The following DNAJA3 variants were observed in gnomAD, a reference collection of about 807,000 sequenced individuals.
The protein encoded by DNAJA3 is dnaJ homolog subfamily A member 3, mitochondrial.
A neutral mutation model predicts 54.9 loss-of-function variants in DNAJA3; 29 were observed. The ratio of observed to expected loss-of-function variants is 0.53; its 90% CI spans 0.39 to 0.72. The LOEUF is 0.72. DNAJA3 is among the 30% of genes least tolerant of loss of function. DNAJA3 has a pLI of 0.00. For missense variants in DNAJA3, 708 were observed against 639.4 expected (o/e 1.11, Z -1.16); for synonymous variants, 302 against 251.4 (o/e 1.20, Z -1.90).
rs138190498 is a variant in DNAJA3, at chr16:4,428,648, A to T, written c.211+2556A>T. On this transcript the variant is annotated intron_variant, in intron 1 of 11. Coordinates refer to ENST00000262375, the MANE Select transcript of DNAJA3 (RefSeq NM_005147.6). Reference sequence around the variant, plus strand: ...CTGCGGTTAGCTGTCTTGTTCCCCAAGTGAGCTCATAACCTGCCATGGGCA... The same window carrying T: ...CTGCGGTTAGCTGTCTTGTTCCCCATGTGAGCTCATAACCTGCCATGGGCA... Among the ~76,000 whole-genome samples the T allele has an allele frequency of 4.2e-3, 638 of 152,294 alleles. 2 individuals carry two copies. Among genetic ancestry groups the T allele is most frequent in the African/African-American group, 0.014 (599 of 41,558 alleles).
rs1207197608 is a variant in DNAJA3 at position 4,443,210 on chromosome 16, C to T, written c.931+46C>T. 4 of 1,608,208 alleles carry T rather than the reference C, an allele frequency of 2.5e-6. No individual in the cohort carries two copies. In the South Asian group the frequency reaches 3.3e-5, roughly 13 times the overall value. On this transcript the variant is annotated intron_variant, in intron 6 of 11. Coordinates refer to ENST00000262375, the MANE Select transcript of DNAJA3 (RefSeq NM_005147.6). Reference sequence around the variant, plus strand: ...TGTCCAGGAGCTTGGAGAGGGCAGACAGGGTTGAGGCTACCACACCGTGTG... The same window carrying T: ...TGTCCAGGAGCTTGGAGAGGGCAGATAGGGTTGAGGCTACCACACCGTGTG...
intron 6 of DNAJA3, among the ~76,000 whole-genome samples, chr16:4,444,376 G>A (rs906484325): frequency 1.4e-5 from 2 of 141,098 alleles, no homozygotes; most frequent in African/African-American, 2.6e-5. Flanking sequence ...ACGGAGTCTC[G>A]CTCTGTTGCC....
intron 7 of DNAJA3, among the ~76,000 whole-genome samples, chr16:4,445,265 A>G (rs2056889661): frequency 6.6e-6 from 1 of 152,204 alleles, no homozygotes; most frequent in Non-Finnish European, 1.5e-5. Context: ...CGTGGTGGTC[A>G]GAGGCTGCTG....
chr16:4,426,139 A>G (rs2056619503), intron 1 of DNAJA3, 47 bp downstream of exon 1: 6 of 1,489,248 alleles, frequency 4.0e-6, no homozygotes, highest in South Asian at 1.3e-5. Flanking sequence ...GGGCCTAGAA[A>G]AGAGTGAGTC....
At chr16:4,430,650 C>G (rs951436230) in intron 1 of DNAJA3, 1 of 151,568 alleles carries the variant, frequency 6.6e-6, no homozygotes, top group Admixed American at 6.6e-5. Flanking sequence ...CTGGGTTGTT[C>G]TAAAAAGGAC....
chr16:4,444,711 A>G lies in DNAJA3; in HGVS notation c.979A>G (p.Ile327Val). The G allele has an allele frequency of 1.2e-6, 2 of 1,613,908 alleles. No homozygotes were observed. The highest frequency in any genetic ancestry group is 1.7e-6 in the Non-Finnish European group (2 of 1,179,958). The change falls in exon 7 of 12, where the codon ATT becomes GTT. Residue 327 changes from isoleucine to valine, a missense_variant. Transcript: ENST00000262375. Reference protein sequence around the residue: ...TVRMPVGKREIFITFRVQKSP... With the variant: ...TVRMPVGKREVFITFRVQKSP... ...GAGGATGCCTGTGGGAAAAAGGGAA[A>G]TTTTCATTACGTTCAGGGTAGGTGC...
chr16:4,436,178 T>A (rs1320091452), intron 2 of DNAJA3, among the ~76,000 whole-genome samples: 1 of 152,156 alleles, frequency 6.6e-6, no homozygotes, highest in Non-Finnish European at 1.5e-5. Context: ...CTTTTTTTTT[T>A]AATTGGGTTG....
intron 1 of DNAJA3, among the ~76,000 whole-genome samples, chr16:4,428,168 G>C (rs1265715640): frequency 6.6e-6 from 1 of 151,734 alleles, no homozygotes; most frequent in Non-Finnish European, 1.5e-5. Context: ...AGCCAAGATG[G>C]TCTCGATCTC....
At chr16:4,434,847 G>C (rs568076993) in intron 2 of DNAJA3, among the ~76,000 whole-genome samples, 44 of 146,806 alleles carry the variant, frequency 3.0e-4, no homozygotes, top group Non-Finnish European at 6.0e-4. Flanking sequence ...TTTGCATCCA[G>C]ATAAAAGTTT....
Position 4,443,130 on chromosome 16 carries a change from G to T in DNAJA3, c.897G>T (p.Lys299Asn). 1 of 1,614,030 alleles carries T rather than the reference G, an allele frequency of 6.2e-7. No individual in the cohort carries two copies. Among genetic ancestry groups the T allele is most frequent in the Non-Finnish European group, 8.5e-7 (1 of 1,180,006 alleles). Residue 299 changes from lysine to asparagine, a missense_variant, in exon 6 of 12, where the codon AAG becomes AAT. Coordinates refer to ENST00000262375, the MANE Select transcript of DNAJA3 (RefSeq NM_005147.6). ...CVVCRGAGQA[K>N]QKKRVMIPVP... Reference sequence around the variant, plus strand: ...TCTGCAGGGGAGCAGGACAAGCCAAGCAGAAAAAGCGAGTGATGATCCCTG... The same window carrying T: ...TCTGCAGGGGAGCAGGACAAGCCAATCAGAAAAAGCGAGTGATGATCCCTG...
At chr16:4,431,707 A>T (rs551966055) in intron 1 of DNAJA3, 1 of 151,838 alleles carries the variant, frequency 6.6e-6, no homozygotes, top group Non-Finnish European at 1.5e-5. Context: ...CCTCCCAAGT[A>T]GCTGGGATTA....
At chr16:4,444,763 C>T (rs769394877) in intron 7 of DNAJA3, 35 bp downstream of exon 7, 25 of 1,591,450 alleles carry the variant, frequency 1.6e-5, no homozygotes, top group Admixed American at 8.4e-5. Context: ...TCTGTTGGGC[C>T]TTTCCTCTCT....
chr16:4,444,546 G>A (rs2056879183), intron 6 of DNAJA3, 118 bp from the exon 7 acceptor site: 6 of 775,098 alleles, frequency 7.7e-6, no homozygotes, highest in Non-Finnish European at 1.3e-5. Context: ...ATGTTGGCCA[G>A]GATGGTCTCG....
chr16:4,430,260 C>T (rs2056680196), intron 1 of DNAJA3, among the ~76,000 whole-genome samples: 1 of 151,630 alleles, frequency 6.6e-6, no homozygotes, highest in Admixed American at 6.6e-5. Flanking sequence ...ACTTTTCTTC[C>T]AAGCAGAAAG....
At chr16:4,444,264 G>C (rs1279761271) in intron 6 of DNAJA3, among the ~76,000 whole-genome samples, 2 of 152,088 alleles carry the variant, frequency 1.3e-5, no homozygotes, top group African/African-American at 4.8e-5. Flanking sequence ...AGAAGCTGTG[G>C]GTTACAAGTG....
chr16:4,434,497 A>T lies in DNAJA3; in HGVS notation c.325A>T (p.Ile109Phe). 2 of 1,612,728 alleles carry T rather than the reference A, an allele frequency of 1.2e-6. No individual in the cohort carries two copies. Among genetic ancestry groups the T allele is most frequent in the Non-Finnish European group, 1.7e-6 (2 of 1,179,712 alleles). Residue 109 changes from isoleucine (I) to phenylalanine (F), a missense_variant, in exon 2 of 12, where the codon ATC (isoleucine) becomes TTC (phenylalanine). By Grantham distance (21) the Ile-to-Phe change is conservative. Coordinates refer to ENST00000262375, the MANE Select transcript of DNAJA3 (RefSeq NM_005147.6). ...GCCTCGAAATGCCAGCCAGAAAGAGATCAAGAAAGCCTATTATCAGGTCTG... is the reference window on the plus strand; with the variant it reads ...GCCTCGAAATGCCAGCCAGAAAGAGTTCAAGAAAGCCTATTATCAGGTCTG... ...GVPRNASQKE[I>F]KKAYYQLAKK...
intron 1 of DNAJA3, chr16:4,427,417 T>C (rs1003275235): frequency 1.3e-5 from 2 of 152,206 alleles, no homozygotes; most frequent in African/African-American, 2.4e-5. Flanking sequence ...AGTTACATAG[T>C]AGACAATCAT....
intron 6 of DNAJA3, among the ~76,000 whole-genome samples, chr16:4,443,443 G>A (rs1033226638): frequency 6.6e-6 from 1 of 152,100 alleles, no homozygotes; most frequent in African/African-American, 2.4e-5. Context: ...TCTTCCTGGT[G>A]AGGGAGCAGC....
At chr16:4,451,945 C>G (rs2056983986) in intron 10 of DNAJA3, among the ~76,000 whole-genome samples, 1 of 150,586 alleles carries the variant, frequency 6.6e-6, no homozygotes, top group South Asian at 2.1e-4. Context: ...TGGTGGGCAT[C>G]CATAATCCCA....
Sources: gnomAD v4.1 joint callset for allele counts (sites outside exome capture counted in the v4.1 genomes callset) on GRCh38, gnomAD v4.1.1 for gene constraint, MANE v1.5 for transcripts, NCBI Gene and HGNC (gene_info 2026-07-23, HGNC 2026-07-21) for gene names.